ERICH3: variants seen among roughly 807,000 people sequenced by gnomAD.
The protein encoded by ERICH3 is glutamate rich 3.
In ERICH3, 126 loss-of-function variants were observed where a neutral mutation model predicts 131.1. The ratio of observed to expected loss-of-function variants is 0.96; its 90% CI spans 0.83 to 1.11. The LOEUF (loss-of-function observed/expected upper bound fraction) is 1.11, where lower values mean the gene tolerates loss of function less well. Among genes scored for constraint, ERICH3 ranks in the 50% most tolerant of loss-of-function variants. The pLI, the probability that ERICH3 is intolerant of heterozygous loss-of-function variation, is 0.00. For synonymous variants in ERICH3, 695 were observed against 644.6 expected (o/e 1.08, Z -1.18); for missense variants, 2,050 against 1,810.7 (o/e 1.13, Z -2.40).
At chr1:74,575,449 T>C (rs1007085772) in intron 13 of ERICH3, among the ~76,000 whole-genome samples, 1 of 152,186 alleles carries the variant, frequency 6.6e-6, no homozygotes, top group Non-Finnish European at 1.5e-5. Flanking sequence ...CAAAGCAAAA[T>C]GTAGAATCAA....
At chr1:74,660,674 G>A (rs1264213918) in intron 1 of ERICH3, among the ~76,000 whole-genome samples, 1 of 148,154 alleles carries the variant, frequency 6.7e-6, no homozygotes, top group Admixed American at 6.8e-5. Flanking sequence ...AAGTGTATAT[G>A]TGTATATATA....
chr1:74,570,211 A>G lies in ERICH3; in HGVS notation c.*247T>C, dbSNP rs903977540. The G allele has an allele frequency of 1.3e-5, 2 of 152,340 alleles. No homozygotes were observed. The highest frequency in any genetic ancestry group is 4.8e-5 in the African/African-American group (2 of 41,562). The allele number at this position is 152,340 out of a possible 1,614,324, so 9.4% of individuals were successfully genotyped here. ...TGTGTAGAATGTGTAACAGCCTCAC[A>G]AGTTTCTCCATGAGGAACCACTGCT... On this transcript the variant is annotated 3_prime_UTR_variant, in exon 15 of 15. Transcript: ENST00000326665.
chr1:74,670,052 C>T (rs1042271095), intron 1 of ERICH3, among the ~76,000 whole-genome samples: 2 of 152,140 alleles, frequency 1.3e-5, no homozygotes, highest in African/African-American at 4.8e-5. Context: ...AAAGTCACTA[C>T]TTTTATTTGA....
chr1:74,634,090 G>A (rs1646365651), intron 6 of ERICH3, among the ~76,000 whole-genome samples: 3 of 151,950 alleles, frequency 2.0e-5, no homozygotes, highest in Non-Finnish European at 4.4e-5. Flanking sequence ...AAAGCAATAA[G>A]AGTTTTTTGA....
chr1:74,595,919 C>T (rs944198027), intron 11 of ERICH3, among the ~76,000 whole-genome samples: 2 of 152,060 alleles, frequency 1.3e-5, no homozygotes, highest in Non-Finnish European at 2.9e-5. Flanking sequence ...CCATCTATAA[C>T]ATTCCCATAA....
At chr1:74,584,562 C>A (rs144169316) in intron 12 of ERICH3, among the ~76,000 whole-genome samples, 139 of 152,258 alleles carry the variant, frequency 9.1e-4, no homozygotes, top group African/African-American at 3.2e-3. Flanking sequence ...CCCTGCACTT[C>A]ATTCATCTCT....
intron 12 of ERICH3, among the ~76,000 whole-genome samples, chr1:74,581,296 C>G (rs1295415537): frequency 6.6e-6 from 1 of 151,976 alleles, no homozygotes; most frequent in African/African-American, 2.4e-5. Context: ...TTATTAAGCC[C>G]ATGTGTTAGG....
chr1:74,576,399 C>T (rs1176668576), intron 13 of ERICH3, among the ~76,000 whole-genome samples: 2 of 152,174 alleles, frequency 1.3e-5, no homozygotes, highest in Non-Finnish European at 2.9e-5. Flanking sequence ...GATATGGGTT[C>T]TCTAAGATCA....
rs1170288634 is a variant in ERICH3, at chr1:74,571,405, T to C, written c.4305A>G (p.Gly1435=). The C allele has an allele frequency of 6.2e-7, 1 of 1,613,834 alleles. No homozygotes were observed. Among genetic ancestry groups the C allele is most frequent in the Non-Finnish European group, 8.5e-7 (1 of 1,179,990 alleles). The part of the protein sequence containing the change: ...YTTEAGVGTP[G]ALERKTSGLG... ...GCCCTGAGGTCTTCCGCTCCAGGGC[T>C]CCTGGAGTGCCCACCCCAGCCTCTG... Residue 1435 remains glycine (G), a synonymous_variant, in exon 14 of 15, where the codon GGA becomes GGG. Transcript: ENST00000326665.
rs1570859721 is a variant in ERICH3 at position 74,607,180 on chromosome 1, T to C, written c.1188-278A>G. 2.6e-5 allele frequency among the ~76,000 whole-genome samples: 4 copies of C among 152,058 alleles called. No individual in the cohort carries two copies. The East Asian group carries it at 7.7e-4, about 29-fold the overall frequency. ...ATAACTCGTCAACCAAGAACTATAG[T>C]TTCAAACTAAAATCTGTGTCTTCAA... On this transcript the variant is annotated intron_variant, in intron 9 of 14. Transcript: ENST00000326665.
At chr1:74,627,240 A>G (rs1257209080) in intron 7 of ERICH3, among the ~76,000 whole-genome samples, 3 of 152,154 alleles carry the variant, frequency 2.0e-5, no homozygotes, top group Non-Finnish European at 1.5e-5. Context: ...GAATAGAAAA[A>G]CAAGTGTAAA....
intron 1 of ERICH3, among the ~76,000 whole-genome samples, chr1:74,656,215 G>A (rs1163992453): frequency 1.3e-5 from 2 of 152,116 alleles, no homozygotes; most frequent in African/African-American, 4.8e-5. Flanking sequence ...CCTCACCATG[G>A]ACAACCTAGA....
chr1:74,673,802 C>T, upstream of ERICH3: 1 of 369,162 alleles, frequency 2.7e-6, no homozygotes, highest in Non-Finnish European at 4.8e-6. Context: ...TGGAACCGAG[C>T]CTGCGGAAGC....
intron 8 of ERICH3, among the ~76,000 whole-genome samples, chr1:74,614,125 T>C (rs1169066144): frequency 6.6e-6 from 1 of 152,140 alleles, no homozygotes; most frequent in East Asian, 1.9e-4. Flanking sequence ...AGAATTTGCA[T>C]TTCTAACAAG....
intron 7 of ERICH3, among the ~76,000 whole-genome samples, chr1:74,627,505 A>G (rs535332429): frequency 1.2e-4 from 18 of 152,284 alleles, no homozygotes; most frequent in Admixed American, 3.3e-4. Flanking sequence ...ATATACTTGG[A>G]CTAAACTCAT....
At position 74,599,890 on chromosome 1, in the gene ERICH3, C is replaced by T. The variant is rs1212491871; in HGVS notation, c.1531G>A (p.Glu511Lys). Residue 511 changes from glutamate (E) to lysine (K), a missense_variant, in exon 11 of 15, where the codon GAA (glutamate) becomes AAA (lysine). Transcript: ENST00000326665. Reference sequence around the variant, plus strand: ...GCCTGTCCTTCTTCATTAGATTTTTCACCTTGTTTCTCCTCATCTACTTCA... The same window carrying T: ...GCCTGTCCTTCTTCATTAGATTTTTTACCTTGTTTCTCCTCATCTACTTCA... ...DFEVDEEKQGEKSNEEGQADV... is the reference protein window; with the variant it reads ...DFEVDEEKQGKKSNEEGQADV... The T allele has an allele frequency of 3.1e-6, 5 of 1,611,656 alleles. No individual in the cohort carries two copies. Among genetic ancestry groups the T allele is most frequent in the Non-Finnish European group, 4.2e-6 (5 of 1,178,702 alleles).
At chr1:74,639,196 C>T (rs1379801805) in intron 5 of ERICH3, among the ~76,000 whole-genome samples, 2 of 152,152 alleles carry the variant, frequency 1.3e-5, no homozygotes, top group East Asian at 3.9e-4. Flanking sequence ...GTAAAACAAA[C>T]ATGCCTCAAG....
chr1:74,613,334 G>T (rs1005365414), intron 8 of ERICH3, among the ~76,000 whole-genome samples: 2 of 152,054 alleles, frequency 1.3e-5, no homozygotes, highest in Non-Finnish European at 2.9e-5. Flanking sequence ...TGTGAAGTGG[G>T]AATTTTTCTA....
Position 74,586,930 on chromosome 1 carries a change from T to C in ERICH3, c.2176+2701A>G, listed in dbSNP as rs1374562254. The stretch of plus-strand genomic sequence containing the variant: ...GATCTTTTTGTGTGTGATAAACCTA[T>C]GAGTAATTTTTCAAAATTACTTTTC... On this transcript the variant is annotated intron_variant, in intron 12 of 14. Transcript: ENST00000326665. 2.6e-5 allele frequency among the ~76,000 whole-genome samples: 4 copies of C among 152,328 alleles called. No homozygotes were observed. The East Asian group carries it at 7.7e-4, about 29-fold the overall frequency.
Sources: allele counts gnomAD v4.1 joint callset (sites outside exome capture counted in the v4.1 genomes callset), GRCh38; gene constraint gnomAD v4.1.1; transcripts MANE v1.5; gene names NCBI Gene and HGNC (gene_info 2026-07-23, HGNC 2026-07-21).